VNN2: variants seen among roughly 807,000 people sequenced by gnomAD.
VNN2 encodes the protein vanin 2, also known as pantetheine hydrolase VNN2.
In VNN2, 43 loss-of-function variants were observed where a neutral mutation model predicts 43.0. That is an observed-to-expected ratio of 1.00 (90% CI 0.78 to 1.29). The LOEUF (loss-of-function observed/expected upper bound fraction) is 1.29. Ranked by LOEUF, VNN2 falls within the 50% of genes most tolerant of loss-of-function variation. The probability of loss-of-function intolerance (pLI) is 0.00; values close to 1 mark genes in which losing one functional copy is unlikely to be tolerated. For synonymous variants in VNN2, 230 were observed against 224.3 expected, an observed-to-expected ratio of 1.03 and a Z score of -0.23; for missense variants, 652 against 619.7, an observed-to-expected ratio of 1.05 and a Z score of -0.55.
At chr6:132,750,754 T>C (rs1780022690) in intron 5 of VNN2, among the ~76,000 whole-genome samples, 1 of 151,798 alleles carries the variant, frequency 6.6e-6, no homozygotes, top group Admixed American at 6.6e-5. Context: ...ATAAAAGTAG[T>C]ATCTCTATTT....
upstream of VNN2, among the ~76,000 whole-genome samples, chr6:132,761,356 A>G (rs543499060): frequency 2.9e-5 from 3 of 101,934 alleles, no homozygotes; most frequent in Admixed American, 2.6e-4. Flanking sequence ...GAGTCACCAT[A>G]AAAAAAAAAA....
chr6:132,760,363 A>G (rs1780711619), upstream of VNN2, among the ~76,000 whole-genome samples: 1 of 152,050 alleles, frequency 6.6e-6, no homozygotes, highest in Admixed American at 6.6e-5. Context: ...TTTTGTAGAG[A>G]GGAAGTTTCA....
upstream of VNN2, among the ~76,000 whole-genome samples, chr6:132,762,750 A>G (rs924299931): frequency 6.6e-6 from 1 of 152,220 alleles, no homozygotes; most frequent in Non-Finnish European, 1.5e-5. Context: ...ACAGCCTTGG[A>G]TTCTCTGAAA....
At chr6:132,752,935 C>T in intron 3 of VNN2, 186 bp from the exon 4 acceptor site, 1 of 595,866 alleles carries the variant, frequency 1.7e-6, no homozygotes, top group South Asian at 2.3e-5. Context: ...TAACATACGT[C>T]CATAGCATCT....
chr6:132,745,217 T>A, intron 6 of VNN2, among the ~76,000 whole-genome samples: 1 of 152,138 alleles, frequency 6.6e-6, no homozygotes, highest in East Asian at 1.9e-4. Context: ...CAGCCATTCT[T>A]TTTTTCCCCC....
In VNN2 at chr6:132,748,578, A is replaced by G. The variant is rs576080394; in HGVS notation, c.1371+1117T>C. Among the ~76,000 whole-genome samples the G allele has an allele frequency of 4.6e-5, 7 of 152,330 alleles. No individual in the cohort carries two copies. The South Asian group carries it at 8.3e-4, about 18-fold the overall frequency. On this transcript the variant is annotated intron_variant, in intron 6 of 6. Coordinates refer to ENST00000326499, the MANE Select transcript of VNN2 (RefSeq NM_004665.6). ...ATAGAATATGCAATGATTTCACCCT[A>G]GTTACTGAAACCCTGCCACTGTTTG...
chr6:132,750,277 T>G (rs1453788369), intron 5 of VNN2, among the ~76,000 whole-genome samples: 2 of 151,524 alleles, frequency 1.3e-5, no homozygotes, highest in Non-Finnish European at 2.9e-5. Context: ...GGACATGGAG[T>G]ATAATAGGAA....
At chr6:132,751,568 C>A (rs767048500) in intron 4 of VNN2, 50 bp from the exon 5 acceptor site, 24 of 1,545,342 alleles carry the variant, frequency 1.6e-5, no homozygotes, top group African/African-American at 9.7e-5. Flanking sequence ...CACAAAAAAA[C>A]CAAAACTGCC....
At chr6:132,756,121 T>A in intron 2 of VNN2, 86 bp from the exon 3 acceptor site, 1 of 1,251,076 alleles carries the variant, frequency 8.0e-7, no homozygotes, top group Non-Finnish European at 1.1e-6. Flanking sequence ...TGTAACCACT[T>A]AAGTGGAACT....
rs1780448831 is a variant in VNN2 at position 132,756,002 on chromosome 6, G to A, written c.378C>T (p.Ser126=). The A allele has an allele frequency of 3.0e-5, 49 of 1,613,788 alleles. No homozygotes were observed. Among genetic ancestry groups the A allele is most frequent in the Non-Finnish European group, 3.9e-5 (46 of 1,179,820 alleles). ...AGATAGAGTTGTCCTTGGCCAGGCA[G>A]CTGAGTCTTGCTTGTACTGGTGTGT... ...FGHTPVQARL[S]CLAKDNSIYV... is the part of the protein sequence containing the mutation. Residue 126 remains serine (S), a synonymous_variant, in exon 3 of 7, where the codon AGC becomes AGT. Transcript: ENST00000326499.
chr6:132,750,707 A>T (rs1291660842), intron 5 of VNN2, among the ~76,000 whole-genome samples: 1 of 151,152 alleles, frequency 6.6e-6, no homozygotes, highest in Non-Finnish European at 1.5e-5. Flanking sequence ...AGAAAGCTAT[A>T]CAAAACCCGG....
chr6:132,750,713 C>A (rs1780018699), intron 5 of VNN2, among the ~76,000 whole-genome samples: 1 of 148,032 alleles, frequency 6.8e-6, no homozygotes, highest in Admixed American at 6.7e-5. Flanking sequence ...CTATACAAAA[C>A]CCGGGACATC....
chr6:132,759,331 C>T (rs1433291526), upstream of VNN2, among the ~76,000 whole-genome samples: 3 of 147,234 alleles, frequency 2.0e-5, no homozygotes, highest in East Asian at 4.2e-4. Context: ...CCCAGCTACT[C>T]GGGAGGCTGA....
At chr6:132,750,513 A>ATATATATATATTTTTTTTTTTTT (rs201643856) in intron 5 of VNN2, among the ~76,000 whole-genome samples, 2 of 78,516 alleles carry the variant, frequency 2.5e-5, no homozygotes, top group African/African-American at 9.7e-5. Flanking sequence ...ATATATATAT[A>ATATATATATATTTTTTTTTTTTT]TTTTTCCAGG....
rs1883613 is a variant in VNN2 at position 132,755,924 on chromosome 6, T to C, written c.456A>G (p.Thr152=). Residue 152 remains threonine (T), a synonymous_variant, in exon 3 of 7, where the codon ACA becomes ACG. Coordinates refer to ENST00000326499, the MANE Select transcript of VNN2 (RefSeq NM_004665.6). ...DKKPCNSRDS[T]CPPNGYFQYN... is the part of the protein sequence containing the mutation. ...ATTGAAAGTAGCCATTAGGAGGACA[T>C]GTGGAGTCACGGGAATTACATGGCT... 0.34 allele frequency: 540,901 copies of C among 1,613,516 alleles called. 91,974 individuals are homozygous for C. The highest frequency in any genetic ancestry group is 0.43 in the Middle Eastern group (2,588 of 6,056).
intron 1 of VNN2, among the ~76,000 whole-genome samples, chr6:132,762,930 T>C (rs1397639255): frequency 1.3e-5 from 2 of 152,174 alleles, no homozygotes; most frequent in African/African-American, 4.8e-5. Flanking sequence ...CTCCCCTACT[T>C]TCCGACAGCT....
chr6:132,752,800 A>G, intron 3 of VNN2, 51 bp from the exon 4 acceptor site: 2 of 1,554,760 alleles, frequency 1.3e-6, no homozygotes, highest in South Asian at 2.5e-5. Flanking sequence ...TGTTGAAGAA[A>G]TGACTCATAA....
chr6:132,754,640 G>T (rs1315867150), intron 3 of VNN2, among the ~76,000 whole-genome samples: 1 of 152,132 alleles, frequency 6.6e-6, no homozygotes, highest in African/African-American at 2.4e-5. Flanking sequence ...CCATTTAAAA[G>T]GCCAGGCTTC....
chr6:132,749,818 T>C lies in VNN2; in HGVS notation c.1248A>G (p.Gly416=). The C allele has an allele frequency of 3.1e-6, 5 of 1,614,100 alleles. No individual in the cohort carries two copies. The highest frequency in any genetic ancestry group is 4.2e-6 in the Non-Finnish European group (5 of 1,179,998). Residue 416 remains glycine (G), a synonymous_variant, in exon 6 of 7, where the codon GGA becomes GGG. Transcript: ENST00000326499. ...KCKTTNLTTC[G]RPVETASTRF... ...TTGTAGAAGCAGTTTCTACTGGCCG[T>C]CCACAAGTTGTCAAATTAGTAGTTT...
Sources: allele counts gnomAD v4.1 joint callset (sites outside exome capture counted in the v4.1 genomes callset), GRCh38; gene constraint gnomAD v4.1.1; transcripts MANE v1.5; gene names NCBI Gene and HGNC (gene_info 2026-07-23, HGNC 2026-07-21).